Variants in KCNMA1 observed in about 807,000 individuals in gnomAD.
KCNMA1 encodes the protein potassium calcium-activated channel subfamily M alpha 1.
In KCNMA1, 29 loss-of-function variants were observed where a neutral mutation model predicts 140.0. That is an observed-to-expected ratio of 0.21 (90% CI 0.15 to 0.28). KCNMA1 has a LOEUF of 0.28. Among genes scored for constraint, KCNMA1 ranks in the 10% least tolerant of loss-of-function variants. KCNMA1 has a pLI of 1.00. For missense variants in KCNMA1, 880 were observed against 1,602.2 expected (o/e 0.55, Z 7.70); for synonymous variants, 612 against 611.9 (o/e 1.00, Z 0.00).
chr10:77,070,322 AAATAAAATTAAAAAGCCCAGTGG>A (rs1430683142), intron 14 of KCNMA1, among the ~76,000 whole-genome samples: 3 of 152,030 alleles, frequency 2.0e-5, no homozygotes, highest in Non-Finnish European at 4.4e-5. Flanking sequence ...CAAAAAATTA[AAATAAAATTAAAAAGCCCAGTGG>A]ATAGTCACTG....
intron 1 of KCNMA1, among the ~76,000 whole-genome samples, chr10:77,482,991 TACACACACACACACACACACACAC>T (rs56364046): frequency 7.1e-5 from 9 of 126,750 alleles, no homozygotes; most frequent in East Asian, 4.7e-4. Flanking sequence ...CTCTCTCACA[TACACACACACACACACACACACAC>T]ACACACACAC....
intron 1 of KCNMA1, among the ~76,000 whole-genome samples, chr10:77,480,823 C>T (rs1027567677): frequency 2.0e-4 from 30 of 151,998 alleles, no homozygotes; most frequent in African/African-American, 6.3e-4. Flanking sequence ...AAGACACACA[C>T]GTGCAGCCGG....
At chr10:77,529,788 G>A (rs980725173) in intron 1 of KCNMA1, among the ~76,000 whole-genome samples, 2 of 152,008 alleles carry the variant, frequency 1.3e-5, no homozygotes, top group African/African-American at 2.4e-5. Context: ...GAGCCCCCAC[G>A]TGGGCCTTTG....
chr10:77,358,021 T>C (rs1156941626), intron 2 of KCNMA1, among the ~76,000 whole-genome samples: 5 of 152,230 alleles, frequency 3.3e-5, no homozygotes, highest in African/African-American at 1.2e-4. Context: ...AAGGTTTTAG[T>C]TCTTGAGGAC....
intron 14 of KCNMA1, among the ~76,000 whole-genome samples, chr10:77,065,292 A>G (rs955790152): frequency 2.0e-5 from 3 of 152,158 alleles, no homozygotes; most frequent in Non-Finnish European, 1.5e-5. Flanking sequence ...AAGGATGTGG[A>G]TGTATGGTGT....
chr10:77,214,083 A>G (rs2046963204), intron 3 of KCNMA1, among the ~76,000 whole-genome samples: 1 of 152,122 alleles, frequency 6.6e-6, no homozygotes, highest in South Asian at 2.1e-4. Context: ...ACTTCACACC[A>G]GCTCTGGAAA....
At chr10:77,606,134 C>A (rs2084419471) in intron 1 of KCNMA1, among the ~76,000 whole-genome samples, 1 of 152,220 alleles carries the variant, frequency 6.6e-6, no homozygotes. Context: ...CTCCCAGACA[C>A]CCCTGCATCA....
intron 2 of KCNMA1, among the ~76,000 whole-genome samples, chr10:77,371,354 T>A (rs562229068): frequency 4.1e-4 from 62 of 152,262 alleles, no homozygotes; most frequent in South Asian, 2.3e-3. Flanking sequence ...CTGTGGCACC[T>A]GTGTGTAGGA....
At chr10:77,543,454 A>AAC (rs2060658492) in intron 1 of KCNMA1, among the ~76,000 whole-genome samples, 1 of 152,240 alleles carries the variant, frequency 6.6e-6, no homozygotes, top group African/African-American at 2.4e-5. Context: ...GGCACTTGTG[A>AAC]ACACACACTA....
In KCNMA1 at chr10:77,099,656, G is replaced by A. The variant is rs537919125; in HGVS notation, c.1223+8825C>T. Among the ~76,000 whole-genome samples the A allele has an allele frequency of 7.9e-5, 12 of 151,848 alleles. No homozygotes were observed. In the South Asian group the frequency reaches 2.5e-3, roughly 32 times the overall value. The stretch of plus-strand genomic sequence containing the variant: ...TTGAATCTGGGAGGTGGAGGTTGTG[G>A]TGAGCCAAGATTGCGCCATTGCACT... On this transcript the variant is annotated intron_variant, in intron 9 of 27. Coordinates refer to ENST00000286628, the MANE Select transcript of KCNMA1 (RefSeq NM_001161352.2).
At chr10:77,316,126 C>T (rs1044580700) in intron 2 of KCNMA1, among the ~76,000 whole-genome samples, 15 of 152,132 alleles carry the variant, frequency 9.9e-5, no homozygotes, top group Non-Finnish European at 2.1e-4. Flanking sequence ...TATTAATTTT[C>T]CACTTGACTG....
chr10:77,621,127 A>G (rs1292754641), intron 1 of KCNMA1, among the ~76,000 whole-genome samples: 1 of 152,234 alleles, frequency 6.6e-6, no homozygotes, highest in East Asian at 1.9e-4. Flanking sequence ...GCCATATTGA[A>G]ATATAATAAT....
chr10:76,977,669 A>G (rs1473197938), intron 19 of KCNMA1: 3 of 702,654 alleles, frequency 4.3e-6, no homozygotes, highest in Non-Finnish European at 7.8e-6. Flanking sequence ...CAAAAGAAAT[A>G]CCCGTGGAGC....
intron 23 of KCNMA1, among the ~76,000 whole-genome samples, chr10:76,930,597 A>T (rs976388087): frequency 6.6e-6 from 1 of 152,174 alleles, no homozygotes; most frequent in African/African-American, 2.4e-5. Flanking sequence ...GAACCACCAC[A>T]TGATTTAGCA....
In KCNMA1 at chr10:77,618,325, T is replaced by A. The variant is rs562996490; in HGVS notation, c.378+18940A>T. Among the ~76,000 whole-genome samples, 6 of 152,322 alleles carry A rather than the reference T, an allele frequency of 3.9e-5. No homozygotes were observed. The East Asian group carries it at 1.2e-3, about 29-fold the overall frequency. ...TTACAGAGGTGGCCTAGCTGACTAATACACAGTTTATCAAACCTCAAGATG... is the reference window on the plus strand; with the variant it reads ...TTACAGAGGTGGCCTAGCTGACTAAAACACAGTTTATCAAACCTCAAGATG... On this transcript the variant is annotated intron_variant, in intron 1 of 27. Transcript: ENST00000286628.
rs528945163 is a variant in KCNMA1, at chr10:77,310,461, T to C, written c.541-59205A>G. Among the ~76,000 whole-genome samples the C allele has an allele frequency of 8.6e-4, 131 of 152,228 alleles. 1 individual carries two copies. The highest frequency in any genetic ancestry group is 1.3e-3 in the Non-Finnish European group (87 of 68,050). On this transcript the variant is annotated intron_variant, in intron 2 of 27. Coordinates refer to ENST00000286628, the MANE Select transcript of KCNMA1 (RefSeq NM_001161352.2). ...ATACCATCTTAGGCACATTAACATATGTTACTTTTTCTCCCCTTCACACTA... is the reference window on the plus strand; with the variant it reads ...ATACCATCTTAGGCACATTAACATACGTTACTTTTTCTCCCCTTCACACTA...
intron 19 of KCNMA1, among the ~76,000 whole-genome samples, chr10:77,000,674 T>C (rs1471529235): frequency 1.3e-5 from 2 of 151,812 alleles, no homozygotes; most frequent in African/African-American, 4.8e-5. Flanking sequence ...GGGGCTATAC[T>C]ATTGGAAAAA....
chr10:77,186,577 G>A (rs1002985739), intron 3 of KCNMA1, among the ~76,000 whole-genome samples: 11 of 152,140 alleles, frequency 7.2e-5, no homozygotes, highest in East Asian at 1.9e-4. Context: ...ACAGTGAATC[G>A]GTGATACTTC....
At chr10:77,636,520 G>A (rs1298236526) in intron 1 of KCNMA1, 1 of 1,536,066 alleles carries the variant, frequency 6.5e-7, no homozygotes, top group Non-Finnish European at 8.7e-7. Context: ...GGTGGCCTGG[G>A]GGCAAAGGAA....
Sources: allele counts gnomAD v4.1 joint callset (sites outside exome capture counted in the v4.1 genomes callset), GRCh38; gene constraint gnomAD v4.1.1; transcripts MANE v1.5; gene names NCBI Gene and HGNC (gene_info 2026-07-23, HGNC 2026-07-21).